Variants in EYA1 observed in about 807,000 individuals in gnomAD.
EYA1 encodes protein phosphatase EYA1.
EYA1 carries 16 observed loss-of-function variants against 82.0 expected under a neutral mutation model. The ratio of observed to expected loss-of-function variants is 0.20; its 90% CI spans 0.13 to 0.30. EYA1 has a LOEUF of 0.30. Ranked by LOEUF, EYA1 falls within the 10% of genes least tolerant of loss-of-function variation. The pLI, the probability that EYA1 is intolerant of heterozygous loss-of-function variation, is 1.00. For synonymous variants in EYA1, 261 were observed against 264.4 expected (o/e 0.99, Z 0.12); for missense variants, 633 against 730.7 (o/e 0.87, Z 1.54).
intron 2 of EYA1, among the ~76,000 whole-genome samples, chr8:71,443,681 C>T (rs567156597): frequency 1.6e-4 from 24 of 152,238 alleles, no homozygotes; most frequent in African/African-American, 4.3e-4. Flanking sequence ...TCTCTCACAC[C>T]CACTCCCCAT....
intron 2 of EYA1, among the ~76,000 whole-genome samples, chr8:71,471,539 C>G (rs1478737857): frequency 6.6e-6 from 1 of 152,038 alleles, no homozygotes; most frequent in East Asian, 1.9e-4. Context: ...GGGAAAATAA[C>G]TGTTTTCTCA....
chr8:71,294,181 C>T (rs1430202958), intron 9 of EYA1, among the ~76,000 whole-genome samples: 1 of 152,150 alleles, frequency 6.6e-6, no homozygotes, highest in Admixed American at 6.5e-5. Context: ...ACACACCGGC[C>T]GGGCGCGGTG....
intron 9 of EYA1, among the ~76,000 whole-genome samples, chr8:71,272,945 C>G (rs147788817): frequency 2.0e-5 from 3 of 152,206 alleles, no homozygotes; most frequent in Non-Finnish European, 4.4e-5. Context: ...AAGAGAACAA[C>G]TGAAGGCTTG....
At chr8:71,469,883 A>C (rs1809054461) in intron 2 of EYA1, among the ~76,000 whole-genome samples, 1 of 152,010 alleles carries the variant, frequency 6.6e-6, no homozygotes, top group African/African-American at 2.4e-5. Context: ...AAGAAATGGG[A>C]GGTCACTAGA....
chr8:71,541,733 G>A (rs924681846), intron 1 of EYA1, among the ~76,000 whole-genome samples: 3 of 152,130 alleles, frequency 2.0e-5, no homozygotes, highest in Non-Finnish European at 2.9e-5. Context: ...GGAAATTCAG[G>A]CAATCAAAAG....
chr8:71,366,419 G>A (rs991915256), upstream of EYA1, among the ~76,000 whole-genome samples: 4 of 152,012 alleles, frequency 2.6e-5, no homozygotes, highest in Non-Finnish European at 5.9e-5. Context: ...TTGCTTTCTC[G>A]CGCTGTGAAA....
intron 2 of EYA1, among the ~76,000 whole-genome samples, chr8:71,373,275 A>G (rs1425671079): frequency 2.6e-5 from 4 of 152,166 alleles, no homozygotes; most frequent in Admixed American, 1.3e-4. Flanking sequence ...GAACTAATCA[A>G]TTAATTCAGT....
At chr8:71,453,113 C>A (rs993832948) in intron 2 of EYA1, among the ~76,000 whole-genome samples, 3 of 152,150 alleles carry the variant, frequency 2.0e-5, no homozygotes, top group Non-Finnish European at 4.4e-5. Context: ...ACAAGAACTA[C>A]GTGACGAATG....
intron 2 of EYA1, among the ~76,000 whole-genome samples, chr8:71,471,185 CT>C (rs1563646398): frequency 6.6e-6 from 1 of 151,924 alleles, no homozygotes; most frequent in Non-Finnish European, 1.5e-5. Context: ...TGAATTGCCT[CT>C]TACTCTGGGG....
rs561465236 is a variant in EYA1 at position 71,416,460 on chromosome 8, A to T, written c.34-59949T>A. Among the ~76,000 whole-genome samples, 4 of 152,368 alleles carry T rather than the reference A, an allele frequency of 2.6e-5. 1 individual carries two copies. In the South Asian group the frequency reaches 8.3e-4, roughly 32 times the overall value. On this transcript the variant is annotated intron_variant, in intron 2 of 18. Coordinates refer to the EYA1 transcript ENST00000643681. ...GAGTACAAAAGTACAATACTGCTCTAATAAAAATATTTGAGATGCAAAATG... is the reference window on the plus strand; with the variant it reads ...GAGTACAAAAGTACAATACTGCTCTTATAAAAATATTTGAGATGCAAAATG...
intron 2 of EYA1, among the ~76,000 whole-genome samples, chr8:71,377,939 T>C (rs771546310): frequency 2.6e-5 from 4 of 152,068 alleles, no homozygotes; most frequent in Admixed American, 6.6e-5. Context: ...AAAACCACCT[T>C]TTGCCTCATT....
At chr8:71,480,352 TG>T (rs923223176) in intron 2 of EYA1, among the ~76,000 whole-genome samples, 9 of 152,136 alleles carry the variant, frequency 5.9e-5, no homozygotes, top group African/African-American at 2.2e-4. Flanking sequence ...GGGTACAAAA[TG>T]GGGCCCAGGG....
At chr8:71,216,087 A>G (rs1809155865) in intron 14 of EYA1, among the ~76,000 whole-genome samples, 1 of 152,156 alleles carries the variant, frequency 6.6e-6, no homozygotes, top group African/African-American at 2.4e-5. Context: ...TGGATGTGCC[A>G]AACTACTGGT....
chr8:71,301,158 G>T (rs1820158081), intron 7 of EYA1, among the ~76,000 whole-genome samples: 1 of 152,142 alleles, frequency 6.6e-6, no homozygotes, highest in African/African-American at 2.4e-5. Flanking sequence ...ATAAAATGTG[G>T]TAATATATGC....
chr8:71,513,807 T>C (rs555540602), intron 2 of EYA1, among the ~76,000 whole-genome samples: 2 of 152,198 alleles, frequency 1.3e-5, no homozygotes, highest in South Asian at 2.1e-4. Flanking sequence ...TTCAATTAAT[T>C]TGATTTTTAG....
intron 13 of EYA1, 43 bp from the exon 14 acceptor site, chr8:71,216,895 G>C: frequency 1.2e-6 from 2 of 1,613,026 alleles, no homozygotes; most frequent in Non-Finnish European, 1.7e-6. Flanking sequence ...CGAACAGAAA[G>C]TCCATCTTAA....
intron 2 of EYA1, among the ~76,000 whole-genome samples, chr8:71,496,436 ATTGT>A (rs1811416824): frequency 6.6e-6 from 1 of 152,214 alleles, no homozygotes; most frequent in Non-Finnish European, 1.5e-5. Context: ...GGGTTTCTGA[ATTGT>A]TTAATTAACT....
chr8:71,442,738 G>C (rs1408008745), intron 2 of EYA1, among the ~76,000 whole-genome samples: 1 of 152,076 alleles, frequency 6.6e-6, no homozygotes, highest in Non-Finnish European at 1.5e-5. Context: ...CTACCATAAC[G>C]ATTTACAAAC....
intron 2 of EYA1, among the ~76,000 whole-genome samples, chr8:71,425,694 G>T (rs963560636): frequency 2.7e-5 from 4 of 147,912 alleles, no homozygotes; most frequent in African/African-American, 1.1e-4. Context: ...AATCCTTAGT[G>T]TGTGTGTGTG....
Sources: allele counts gnomAD v4.1 joint callset (sites outside exome capture counted in the v4.1 genomes callset), GRCh38; gene constraint gnomAD v4.1.1; transcripts MANE v1.5; gene names NCBI Gene and HGNC (gene_info 2026-07-23, HGNC 2026-07-21).